The following DNAH3 variants were observed in gnomAD, a reference collection of about 807,000 sequenced individuals.
DNAH3 encodes axonemal beta dynein heavy chain 3.
Under a neutral mutation model 432.5 loss-of-function variants are expected in DNAH3, and 332 were observed. That is an observed-to-expected ratio of 0.77 (90% CI 0.70 to 0.84). DNAH3 has a LOEUF of 0.84. DNAH3 is among the 40% of genes least tolerant of loss of function. DNAH3 has a pLI of 0.00. For missense variants in DNAH3, 4,861 were observed against 5,114.0 expected (o/e 0.95, Z 1.51); for synonymous variants, 1,956 against 1,900.2 (o/e 1.03, Z -0.76).
intron 50 of DNAH3, 88 bp downstream of exon 50, chr16:20,979,242 C>T (rs1694337942): frequency 1.7e-6 from 2 of 1,207,278 alleles, no homozygotes; most frequent in Non-Finnish European, 2.4e-6. Context: ...GATCTGGTGT[C>T]CTCTTAATTC....
chr16:20,960,023 CTCTCT>C (rs1323812796), intron 53 of DNAH3, among the ~76,000 whole-genome samples: 1 of 152,040 alleles, frequency 6.6e-6, no homozygotes, highest in African/African-American at 2.4e-5. Context: ...TCTCTCACTT[CTCTCT>C]TCTCAGTGGT....
intron 59 of DNAH3, among the ~76,000 whole-genome samples, chr16:20,938,463 C>A (rs979198013): frequency 6.6e-6 from 1 of 151,732 alleles, no homozygotes; most frequent in Non-Finnish European, 1.5e-5. Context: ...AAGCTGCCAT[C>A]TGAGGGATTA....
rs1307642339 is a variant in DNAH3 at position 20,985,818 on chromosome 16, T to A, written c.7027-103A>T. 2.6e-6 allele frequency: 3 copies of A among 1,158,714 alleles called. No individual in the cohort carries two copies. In the African/African-American group the frequency reaches 4.6e-5, roughly 18 times the overall value. 71.8% of individuals were successfully genotyped at this position (1,158,714 alleles called of 1,614,324 possible). On this transcript the variant is annotated intron_variant, in intron 47 of 61. Transcript: ENST00000261383. The stretch of plus-strand genomic sequence containing the variant: ...CATGGGAGACGTGGCTTATTTCCTC[T>A]GAGCACATCCTTCAAGGTCATGGGT...
Position 21,092,826 on chromosome 16 carries a change from C to T in DNAH3, c.2665+4529G>A, listed in dbSNP as rs537919015. ...CTTAAAAATAGGCAAAAGCTCTGAA[C>T]AAATACCTAATCTAAGAAGATATAC... On this transcript the variant is annotated intron_variant, in intron 18 of 61. Transcript: ENST00000261383. 1.0e-3 allele frequency among the ~76,000 whole-genome samples: 146 copies of T among 145,450 alleles called. 2 individuals are homozygous for T. Among genetic ancestry groups the T allele is most frequent in the Middle Eastern group, 4.0e-3 (1 of 250 alleles).
At chr16:20,971,047 T>C (rs1370867239) in intron 51 of DNAH3, among the ~76,000 whole-genome samples, 1 of 151,870 alleles carries the variant, frequency 6.6e-6, no homozygotes, top group African/African-American at 2.4e-5. Context: ...TTTGTATTTT[T>C]AGTATAGATG....
chr16:21,150,934 T>C (rs1448882644), intron 1 of DNAH3, 88 bp from the exon 1 acceptor site: 3 of 152,324 alleles, frequency 2.0e-5, no homozygotes, highest in African/African-American at 7.2e-5. Flanking sequence ...CTCTGTGAGC[T>C]GGTGTCTCCC....
chr16:20,948,593 G>A lies in DNAH3; in HGVS notation c.11233C>T (p.Arg3745Cys), dbSNP rs376043405. The change falls in exon 57 of 62, where the codon CGT (arginine) becomes TGT (cysteine). Residue 3745 changes from arginine to cysteine, a missense_variant. By Grantham distance (180) the Arg-to-Cys change is radical (BLOSUM62 -3). Transcript: ENST00000261383. ...ATGGACAGAAGTGACAGCAGGAGAC[G>A]CCGGTCTTTGTCATCAGTCACTCTG... 6.4e-5 allele frequency: 103 copies of A among 1,613,974 alleles called. No individual in the cohort carries two copies. The highest frequency in any genetic ancestry group is 1.6e-4 in the Middle Eastern group (1 of 6,082).
intron 59 of DNAH3, among the ~76,000 whole-genome samples, chr16:20,938,407 A>AAT (rs398028983): frequency 2.6e-5 from 4 of 151,390 alleles, no homozygotes; most frequent in Non-Finnish European, 5.9e-5. Context: ...AAAAAAAAAA[A>AAT]GGAATGTAAA....
At chr16:21,002,098 TACAC>T (rs1411015640) in intron 42 of DNAH3, among the ~76,000 whole-genome samples, 1 of 152,134 alleles carries the variant, frequency 6.6e-6, no homozygotes, top group African/African-American at 2.4e-5. Flanking sequence ...GACACATCCT[TACAC>T]ATACAGCTGT....
intron 47 of DNAH3, among the ~76,000 whole-genome samples, chr16:20,987,074 T>G (rs2086233720): frequency 6.6e-6 from 1 of 152,192 alleles, no homozygotes; most frequent in African/African-American, 2.4e-5. Flanking sequence ...AAAATGCATG[T>G]TAAGCCATTT....
At chr16:21,112,291 T>C (rs1255042810) in intron 12 of DNAH3, among the ~76,000 whole-genome samples, 193 bp from the exon 13 acceptor site, 1 of 152,172 alleles carries the variant, frequency 6.6e-6, no homozygotes, top group East Asian at 1.9e-4. Flanking sequence ...GTTTCACCAC[T>C]TCCTAGCAGT....
chr16:20,944,756 A>C (rs1328317581), intron 57 of DNAH3, 93 bp from the exon 58 acceptor site: 6 of 1,198,140 alleles, frequency 5.0e-6, no homozygotes, highest in Non-Finnish European at 7.2e-6. Context: ...AACAGGAATC[A>C]TACTGTATCA....
chr16:21,070,604 G>T, intron 22 of DNAH3, 106 bp downstream of exon 22: 1 of 732,294 alleles, frequency 1.4e-6, no homozygotes. Flanking sequence ...TTCCAATTAG[G>T]ACAAAGTGAC....
At position 21,002,026 on chromosome 16, in the gene DNAH3, G is replaced by A. The variant is rs149958173; in HGVS notation, c.6126+1078C>T. Among the ~76,000 whole-genome samples, 300 of 152,224 alleles carry A rather than the reference G, an allele frequency of 2.0e-3. 2 individuals are homozygous for A. Among genetic ancestry groups the A allele is most frequent in the Non-Finnish European group, 3.2e-3 (216 of 68,010 alleles). On this transcript the variant is annotated intron_variant, in intron 42 of 61. Coordinates refer to ENST00000261383, the Ensembl canonical transcript of DNAH3. ...AAAGTTTAGGACCTCAGTGCTGGGG[G>A]TTGCTTTACAACACTCAGCCCCCAA...
chr16:20,955,071 G>C lies in DNAH3; in HGVS notation c.10827-14C>G. On this transcript the variant is annotated splice_polypyrimidine_tract_variant and intron_variant, in intron 54 of 61. Coordinates refer to ENST00000261383, the Ensembl canonical transcript of DNAH3. ...GTTAGCCAGAGTCTGGAAGAACAAT[G>C]GACCCAACGTTTTAGAGCAATACAA... 6.3e-7 allele frequency: 1 copy of C among 1,590,446 alleles called. No individual in the cohort carries two copies. The highest frequency in any genetic ancestry group is 1.4e-5 in the African/African-American group (1 of 73,906).
chr16:20,964,097 G>C (rs1306054685), exon 53 of DNAH3: 1 of 1,614,220 alleles, frequency 6.2e-7, no homozygotes, highest in Non-Finnish European at 8.5e-7. Flanking sequence ...GAGGAGGACA[G>C]AACTTTGATG....
chr16:20,982,829 A>C, exon 49 of DNAH3: 1 of 1,614,212 alleles, frequency 6.2e-7, no homozygotes, highest in Non-Finnish European at 8.5e-7. Flanking sequence ...ACAGCAATTG[A>C]TCAGCGAAGG....
intron 1 of DNAH3, among the ~76,000 whole-genome samples, chr16:21,152,567 G>C (rs1383979589): frequency 3.3e-5 from 5 of 152,264 alleles, no homozygotes; most frequent in African/African-American, 1.2e-4. Flanking sequence ...GGCCGAAGCC[G>C]GCTCCCTCAG....
chr16:21,088,390 G>C (rs1375642496), intron 18 of DNAH3, among the ~76,000 whole-genome samples: 1 of 152,168 alleles, frequency 6.6e-6, no homozygotes, highest in African/African-American at 2.4e-5. Context: ...ATAGTTGTAA[G>C]AGTGAAGCAC....
Sources: allele counts gnomAD v4.1 joint callset (sites outside exome capture counted in the v4.1 genomes callset), GRCh38; gene constraint gnomAD v4.1.1; transcripts MANE v1.5; gene names NCBI Gene and HGNC (gene_info 2026-07-23, HGNC 2026-07-21).